The following CCDC126 variants were observed in gnomAD, a reference collection of about 807,000 sequenced individuals.
The protein encoded by CCDC126 is coiled-coil domain-containing protein 126.
Under a neutral mutation model 11.7 loss-of-function variants are expected in CCDC126, and 5 were observed. The observed-to-expected ratio is 0.43, with a 90% CI of 0.22 to 0.90. The LOEUF is 0.90. CCDC126 is among the 40% of genes least tolerant of loss of function. CCDC126 has a pLI of 0.27. For synonymous variants in CCDC126, 60 were observed against 61.9 expected, an observed-to-expected ratio of 0.97 and a Z score of 0.14; for missense variants, 150 against 163.1, an observed-to-expected ratio of 0.92 and a Z score of 0.44.
chr7:23,634,163 C>T (rs535442571), intron 3 of CCDC126, among the ~76,000 whole-genome samples: 5 of 152,216 alleles, frequency 3.3e-5, no homozygotes, highest in African/African-American at 9.6e-5. Context: ...AGATAAAGTA[C>T]GGCCAGGCCT....
intron 3 of CCDC126, among the ~76,000 whole-genome samples, chr7:23,625,710 C>T (rs1322414736): frequency 5.4e-5 from 7 of 128,938 alleles, no homozygotes; most frequent in Non-Finnish European, 7.6e-5. Flanking sequence ...GGCTGGAGTG[C>T]AATGGCGCTC....
chr7:23,601,471 C>T (rs926953386), intron 2 of CCDC126, among the ~76,000 whole-genome samples: 1 of 152,138 alleles, frequency 6.6e-6, no homozygotes, highest in African/African-American at 2.4e-5. Context: ...GTAGTGTGTA[C>T]GGTCTACTCT....
intron 3 of CCDC126, among the ~76,000 whole-genome samples, chr7:23,625,649 ATTTTTTTTTTT>A (rs34492140): frequency 9.1e-5 from 7 of 77,144 alleles, no homozygotes; most frequent in African/African-American, 3.9e-4. Flanking sequence ...TATTTGACTG[ATTTTTTTTTTT>A]TTTTTTTTTT....
At chr7:23,607,639 AC>A (rs1286983132) in intron 2 of CCDC126, among the ~76,000 whole-genome samples, 1 of 152,212 alleles carries the variant, frequency 6.6e-6, no homozygotes, top group East Asian at 1.9e-4. Context: ...TGAGAATAGA[AC>A]AGTGAGTGTA....
In CCDC126 at chr7:23,643,694, A is replaced by G. The variant is rs1193130171; in HGVS notation, c.*579A>G. The G allele has an allele frequency of 6.6e-6, 1 of 152,620 alleles. No individual in the cohort carries two copies. The highest frequency in any genetic ancestry group is 1.5e-5 in the Non-Finnish European group (1 of 68,014). The allele number at this position is 152,620 out of a possible 1,614,324, so 9.5% of individuals were successfully genotyped here. A position where few individuals can be genotyped will look rare whatever the true frequency, so the allele number is the denominator to read the frequency against. On this transcript the variant is annotated 3_prime_UTR_variant, in exon 4 of 4. Coordinates refer to ENST00000307471, the MANE Select transcript of CCDC126 (RefSeq NM_138771.4). ...TTTGCACTATCCTTCAGAATAACTGAAGGTTAATTATTGTATATTTTTAAA... is the reference window on the plus strand; with the variant it reads ...TTTGCACTATCCTTCAGAATAACTGGAGGTTAATTATTGTATATTTTTAAA...
In CCDC126 at chr7:23,602,377, A is replaced by C. The variant is rs191541947; in HGVS notation, c.-146+4326A>C. 3.9e-3 allele frequency among the ~76,000 whole-genome samples: 589 copies of C among 152,274 alleles called. 1 individual carries two copies. The highest frequency in any genetic ancestry group is 4.4e-3 in the Non-Finnish European group (300 of 68,016). ...ATCTGATCTTGCCACTGCCCCTTTC[A>C]GATTAGAGAACACCAATAAGAATAT... On this transcript the variant is annotated intron_variant, in intron 2 of 3. Transcript: ENST00000307471.
At chr7:23,632,369 T>C (rs1443656720) in intron 3 of CCDC126, among the ~76,000 whole-genome samples, 1 of 152,222 alleles carries the variant, frequency 6.6e-6, no homozygotes, top group Non-Finnish European at 1.5e-5. Context: ...GTGCTGGGAT[T>C]ACAGGCATGA....
intron 3 of CCDC126, among the ~76,000 whole-genome samples, chr7:23,613,785 A>C (rs915660689): frequency 1.3e-5 from 2 of 152,244 alleles, no homozygotes; most frequent in Non-Finnish European, 2.9e-5. Context: ...CAATAAAGTG[A>C]ATGTCACAAT....
At chr7:23,632,470 A>G (rs1783132714) in intron 3 of CCDC126, among the ~76,000 whole-genome samples, 1 of 152,176 alleles carries the variant, frequency 6.6e-6, no homozygotes, top group African/African-American at 2.4e-5. Flanking sequence ...CCATATACCA[A>G]ATAAACAGAT....
In CCDC126 at chr7:23,612,259, C is replaced by A. The variant is rs188570466; in HGVS notation, c.238+706C>A. ...ATTGCTGGAGCCCAGGAGTTTGAGACTAGCCTAGTAGCCTAGGCAACATAG... is the reference window on the plus strand; with the variant it reads ...ATTGCTGGAGCCCAGGAGTTTGAGAATAGCCTAGTAGCCTAGGCAACATAG... On this transcript the variant is annotated intron_variant, in intron 3 of 3. Coordinates refer to ENST00000307471, the MANE Select transcript of CCDC126 (RefSeq NM_138771.4). Among the ~76,000 whole-genome samples the A allele has an allele frequency of 3.8e-3, 577 of 150,794 alleles. 1 individual carries two copies. The highest frequency in any genetic ancestry group is 0.022 in the South Asian group (107 of 4,772).
intron 2 of CCDC126, among the ~76,000 whole-genome samples, chr7:23,607,551 A>G (rs557255531): frequency 2.0e-4 from 31 of 152,346 alleles, no homozygotes; most frequent in African/African-American, 7.5e-4. Context: ...GTACATAAGT[A>G]AATACCTTCA....
chr7:23,637,795 C>T (rs1783262423), intron 3 of CCDC126, among the ~76,000 whole-genome samples: 2 of 41,568 alleles, frequency 4.8e-5, no homozygotes, highest in African/African-American at 8.3e-5. Context: ...GGGAGGGAGG[C>T]GGGGAGGGGG....
intron 2 of CCDC126, among the ~76,000 whole-genome samples, chr7:23,607,995 A>G (rs1366514501): frequency 6.6e-6 from 1 of 152,248 alleles, no homozygotes; most frequent in Non-Finnish European, 1.5e-5. Context: ...ACAGGAATTT[A>G]TGCTGAGCAG....
At chr7:23,630,377 TAATTCCA>T (rs1783088650) in intron 3 of CCDC126, among the ~76,000 whole-genome samples, 1 of 152,144 alleles carries the variant, frequency 6.6e-6, no homozygotes, top group African/African-American at 2.4e-5. Context: ...TGCACGCCTG[TAATTCCA>T]GCTACTCAGG....
chr7:23,600,579 G>T (rs1354673705), intron 2 of CCDC126, among the ~76,000 whole-genome samples: 1 of 152,066 alleles, frequency 6.6e-6, no homozygotes, highest in Non-Finnish European at 1.5e-5. Flanking sequence ...TGCCTCTCTA[G>T]CTGAAATTCC....
intron 3 of CCDC126, among the ~76,000 whole-genome samples, chr7:23,617,597 AT>A (rs1451561531): frequency 6.6e-6 from 1 of 152,026 alleles, no homozygotes; most frequent in Non-Finnish European, 1.5e-5. Flanking sequence ...TATCCTTAAT[AT>A]TTATAATGAC....
At chr7:23,638,728 A>AAAAAAAAAAAAAAAAAAC (rs1783292688) in intron 3 of CCDC126, among the ~76,000 whole-genome samples, 5 of 32,550 alleles carry the variant, frequency 1.5e-4, no homozygotes, top group Admixed American at 2.9e-4. Flanking sequence ...AAAAAAAATT[A>AAAAAAAAAAAAAAAAAAC]AAAAAAAAAA....
intron 2 of CCDC126, among the ~76,000 whole-genome samples, chr7:23,601,219 G>C (rs963629658): frequency 1.3e-5 from 2 of 152,072 alleles, no homozygotes; most frequent in African/African-American, 4.8e-5. Flanking sequence ...CCTTGTCGCT[G>C]CTAAAAATAA....
At chr7:23,617,423 T>A (rs1782814728) in intron 3 of CCDC126, among the ~76,000 whole-genome samples, 1 of 147,194 alleles carries the variant, frequency 6.8e-6, no homozygotes, top group African/African-American at 2.5e-5. Flanking sequence ...AGGTTATCAA[T>A]GGTAGCTTTT....
Sources: gnomAD v4.1 joint callset for allele counts (sites outside exome capture counted in the v4.1 genomes callset) on GRCh38, gnomAD v4.1.1 for gene constraint, MANE v1.5 for transcripts, NCBI Gene and HGNC (gene_info 2026-07-23, HGNC 2026-07-21) for gene names.